The following PDCD1LG2 variants were observed in gnomAD, a reference collection of about 807,000 sequenced individuals.
PDCD1LG2 encodes B7 dendritic cell molecule.
PDCD1LG2 carries 32 observed loss-of-function variants against 28.2 expected under a neutral mutation model. The observed-to-expected ratio is 1.13, with a 90% confidence interval of 0.86 to 1.52. The LOEUF (loss-of-function observed/expected upper bound fraction) is 1.52. Among genes scored for constraint, PDCD1LG2 ranks in the 40% most tolerant of loss-of-function variants. The pLI is 0.00. For synonymous variants in PDCD1LG2, 116 were observed against 120.2 expected (o/e 0.97, Z 0.23); for missense variants, 385 against 323.8 (o/e 1.19, Z -1.45).
intron 1 of PDCD1LG2, among the ~76,000 whole-genome samples, chr9:5,515,980 G>A (rs1466126919): frequency 6.8e-6 from 1 of 147,860 alleles, no homozygotes; most frequent in Admixed American, 6.8e-5. Flanking sequence ...GAGATCTGAA[G>A]TGAGCAACTG....
intron 5 of PDCD1LG2, among the ~76,000 whole-genome samples, chr9:5,559,635 G>T (rs1816519466): frequency 6.6e-6 from 1 of 152,212 alleles, no homozygotes; most frequent in South Asian, 2.1e-4. Flanking sequence ...CGCTAGTGTG[G>T]TTCAACTTGG....
chr9:5,517,603 T>G (rs1820193003), intron 1 of PDCD1LG2, among the ~76,000 whole-genome samples: 1 of 152,222 alleles, frequency 6.6e-6, no homozygotes, highest in Admixed American at 6.5e-5. Context: ...TGACTTTTAT[T>G]TTTTAAAAAC....
At chr9:5,544,944 G>A (rs760757048) in intron 3 of PDCD1LG2, among the ~76,000 whole-genome samples, 4 of 152,182 alleles carry the variant, frequency 2.6e-5, no homozygotes, top group Non-Finnish European at 5.9e-5. Context: ...TTTAAAGAAC[G>A]TGGCAAAACT....
intron 3 of PDCD1LG2, among the ~76,000 whole-genome samples, chr9:5,548,213 T>C (rs911551977): frequency 9.9e-5 from 15 of 152,232 alleles, no homozygotes; most frequent in African/African-American, 3.4e-4. Context: ...CTATGGGATC[T>C]ACTTTTTTAG....
rs545868304 is a variant in PDCD1LG2 at position 5,569,871 on chromosome 9, G to A, written c.817-83G>A. On this transcript the variant is annotated intron_variant, in intron 6 of 6. Coordinates refer to ENST00000397747, the MANE Select transcript of PDCD1LG2 (RefSeq NM_025239.4). This position sits in a 1 kb window ranked among gnomAD's most constrained non-coding sequence, Gnocchi z 4.1. ...TAGATGAACTTTTTTAAAAAAATTA[G>A]TTCCTCACTCAAATTTTGGGGAGGT... is the stretch of plus-strand genomic sequence containing the variant. 1 of 1,395,266 alleles carries A rather than the reference G, an allele frequency of 7.2e-7. No homozygotes were observed. Among genetic ancestry groups the A allele is most frequent in the Non-Finnish European group, 1.0e-6 (1 of 991,004 alleles). The allele number at this position is 1,395,266 out of a possible 1,614,324, so 86.4% of individuals were successfully genotyped here.
At chr9:5,525,389 G>C (rs1820354433) in intron 2 of PDCD1LG2, among the ~76,000 whole-genome samples, 1 of 150,352 alleles carries the variant, frequency 6.7e-6, no homozygotes, top group Non-Finnish European at 1.5e-5. Context: ...GGTATTCTCA[G>C]TCATTACAAA....
intron 2 of PDCD1LG2, among the ~76,000 whole-genome samples, chr9:5,526,430 T>C (rs1331455484): frequency 6.6e-6 from 1 of 152,134 alleles, no homozygotes; most frequent in Non-Finnish European, 1.5e-5. Context: ...ATTTTTACCT[T>C]TTTTAAATTA....
At chr9:5,543,937 T>G (rs1347120079) in intron 3 of PDCD1LG2, among the ~76,000 whole-genome samples, 1 of 152,196 alleles carries the variant, frequency 6.6e-6, no homozygotes, top group African/African-American at 2.4e-5. Flanking sequence ...TTCAGGCAAT[T>G]TAACAGATGA....
At chr9:5,551,851 C>G (rs962121490) in intron 4 of PDCD1LG2, among the ~76,000 whole-genome samples, 4 of 152,224 alleles carry the variant, frequency 2.6e-5, no homozygotes, top group African/African-American at 9.6e-5. Flanking sequence ...AGCTCTGCCA[C>G]TGAGCCTTCC....
At chr9:5,531,017 T>A (rs1009735132) in intron 2 of PDCD1LG2, among the ~76,000 whole-genome samples, 1 of 152,256 alleles carries the variant, frequency 6.6e-6, no homozygotes, top group Non-Finnish European at 1.5e-5. Context: ...GTGTAACTAA[T>A]GGTTCGCAAT....
intron 1 of PDCD1LG2, among the ~76,000 whole-genome samples, chr9:5,511,645 C>T (rs536967591): frequency 1.3e-5 from 2 of 152,298 alleles, no homozygotes; most frequent in South Asian, 2.1e-4. Flanking sequence ...GGGTCAAATA[C>T]GGAGTTGGCC....
chr9:5,543,706 T>C (rs947391444), intron 3 of PDCD1LG2, among the ~76,000 whole-genome samples: 1 of 152,122 alleles, frequency 6.6e-6, no homozygotes. Context: ...TCTCAGTGTC[T>C]TTTTTTCCCT....
At chr9:5,538,685 C>G (rs1205689725) in intron 3 of PDCD1LG2, among the ~76,000 whole-genome samples, 4 of 145,854 alleles carry the variant, frequency 2.7e-5, no homozygotes, top group African/African-American at 5.1e-5. Flanking sequence ...GAGACTCTGT[C>G]TCAAAAAAAG....
rs2129792845 is a variant in PDCD1LG2, at chr9:5,534,814, G to C, written c.125G>C (p.Cys42Ser). Residue 42 changes from cysteine (C) to serine (S), a missense_variant, in exon 3 of 7, where the codon TGC becomes TCC. By Grantham distance (112) the Cys-to-Ser change is moderately radical. Coordinates refer to ENST00000397747, the MANE Select transcript of PDCD1LG2 (RefSeq NM_025239.4). ...IEHGSNVTLE[C>S]NFDTGSHVNL... Reference sequence around the variant, plus strand: ...CATGGCAGCAATGTGACCCTGGAATGCAACTTTGACACTGGAAGTCATGTG... The same window carrying C: ...CATGGCAGCAATGTGACCCTGGAATCCAACTTTGACACTGGAAGTCATGTG... 6.2e-7 allele frequency: 1 copy of C among 1,614,152 alleles called. No homozygotes were observed. Among genetic ancestry groups the C allele is most frequent in the Non-Finnish European group, 8.5e-7 (1 of 1,180,008 alleles).
rs185939743 is a variant in PDCD1LG2 at position 5,568,453 on chromosome 9, C to T, written c.817-1501C>T. ...CTCCTTATGAAAATCTAATGTCTGA[C>T]GATCTGAGGTGGAACAGGTTCATCC... On this transcript the variant is annotated intron_variant, in intron 6 of 6. Coordinates refer to ENST00000397747, the MANE Select transcript of PDCD1LG2 (RefSeq NM_025239.4). 6.2e-3 allele frequency among the ~76,000 whole-genome samples: 947 copies of T among 152,224 alleles called. 10 individuals are homozygous for T. The highest frequency in any genetic ancestry group is 8.7e-3 in the Non-Finnish European group (592 of 68,010).
At chr9:5,513,235 TC>T (rs1189517044) in intron 1 of PDCD1LG2, among the ~76,000 whole-genome samples, 2 of 152,250 alleles carry the variant, frequency 1.3e-5, no homozygotes, top group African/African-American at 4.8e-5. Flanking sequence ...CATTGTCCCC[TC>T]AACACGCCTG....
intron 2 of PDCD1LG2, among the ~76,000 whole-genome samples, chr9:5,530,473 C>CAA (rs572807984): frequency 2.4e-3 from 241 of 100,312 alleles, no homozygotes; most frequent in African/African-American, 8.0e-3. Context: ...TAGCATACAG[C>CAA]AAAAAAAAAA....
chr9:5,560,632 G>C (rs1038239572), intron 5 of PDCD1LG2, among the ~76,000 whole-genome samples: 6 of 151,322 alleles, frequency 4.0e-5, no homozygotes, highest in African/African-American at 1.5e-4. Flanking sequence ...CCCTCATGTT[G>C]AGCCTGGGAC....
At chr9:5,557,394 C>A (rs1266957353) in intron 4 of PDCD1LG2, among the ~76,000 whole-genome samples, 1 of 152,132 alleles carries the variant, frequency 6.6e-6, no homozygotes, top group African/African-American at 2.4e-5. Flanking sequence ...TCTGTGCCTC[C>A]CTTTCTTCAC....
Sources: allele counts gnomAD v4.1 joint callset (sites outside exome capture counted in the v4.1 genomes callset), GRCh38; gene constraint gnomAD v4.1.1; non-coding constraint Gnocchi (gnomAD v3.1); transcripts MANE v1.5; gene names NCBI Gene and HGNC (gene_info 2026-07-23, HGNC 2026-07-21).